The following ZNF407 variants were observed in gnomAD, a reference collection of about 807,000 sequenced individuals.
The protein encoded by ZNF407 is zinc finger protein 407.
Under a neutral mutation model 131.2 loss-of-function variants are expected in ZNF407, and 17 were observed. The observed-to-expected ratio is 0.13, with a 90% CI of 0.09 to 0.19. ZNF407 has a LOEUF of 0.19. Among genes scored for constraint, ZNF407 ranks in the 10% least tolerant of loss-of-function variants. ZNF407 has a pLI of 1.00. For missense variants in ZNF407, 2,681 were observed against 2,830.6 expected (o/e 0.95, Z 1.20); for synonymous variants, 1,156 against 1,062.0 (o/e 1.09, Z -1.72).
intron 8 of ZNF407, among the ~76,000 whole-genome samples, chr18:74,971,331 T>A (rs1371081044): frequency 6.6e-6 from 1 of 152,184 alleles, no homozygotes; most frequent in African/African-American, 2.4e-5. Context: ...AGAAAGTGGG[T>A]TTTTCTTTTC....
At chr18:74,683,413 A>T (rs1054757459) in intron 3 of ZNF407, among the ~76,000 whole-genome samples, 2 of 152,202 alleles carry the variant, frequency 1.3e-5, no homozygotes, top group Non-Finnish European at 2.9e-5. Flanking sequence ...TAAAACTAAC[A>T]TTTGCTGTGG....
At chr18:74,728,004 C>T (rs1968200385) in intron 3 of ZNF407, among the ~76,000 whole-genome samples, 1 of 152,110 alleles carries the variant, frequency 6.6e-6, no homozygotes, top group East Asian at 1.9e-4. Context: ...AGCGCCCTCT[C>T]CTACCGCAGC....
intron 5 of ZNF407, among the ~76,000 whole-genome samples, chr18:74,880,373 G>T (rs1971220943): frequency 1.3e-5 from 2 of 152,212 alleles, no homozygotes; most frequent in African/African-American, 4.8e-5. Context: ...CATTAAAGAT[G>T]AATAGTATGA....
chr18:74,835,718 C>T (rs1042429851), intron 4 of ZNF407, among the ~76,000 whole-genome samples: 1 of 150,586 alleles, frequency 6.6e-6, no homozygotes, highest in Non-Finnish European at 1.5e-5. Context: ...TATTTTCAGG[C>T]AAGAAGAGAA....
intron 3 of ZNF407, among the ~76,000 whole-genome samples, chr18:74,673,512 T>A (rs1402577609): frequency 6.6e-6 from 1 of 152,198 alleles, no homozygotes; most frequent in Non-Finnish European, 1.5e-5. Context: ...AAGAGCAAGA[T>A]CCTTAATTTA....
intron 5 of ZNF407, among the ~76,000 whole-genome samples, chr18:74,877,781 G>A (rs1338891974): frequency 2.0e-5 from 3 of 152,128 alleles, no homozygotes; most frequent in Non-Finnish European, 4.4e-5. Context: ...GAACATTAAT[G>A]AATCTTGGTT....
intron 4 of ZNF407, among the ~76,000 whole-genome samples, chr18:74,810,407 T>C (rs1970177592): frequency 6.6e-6 from 1 of 151,948 alleles, no homozygotes; most frequent in Admixed American, 6.6e-5. Context: ...TGAATGATCA[T>C]GTAGGATTCT....
At chr18:75,022,714 A>T (rs1053031728) in intron 8 of ZNF407, among the ~76,000 whole-genome samples, 4 of 152,168 alleles carry the variant, frequency 2.6e-5, no homozygotes, top group African/African-American at 9.7e-5. Flanking sequence ...GTAGAGAGGA[A>T]CACTTACACT....
At chr18:74,927,167 A>G (rs913885840) in intron 8 of ZNF407, among the ~76,000 whole-genome samples, 3 of 151,908 alleles carry the variant, frequency 2.0e-5, no homozygotes, top group African/African-American at 7.3e-5. Context: ...TTGTTGATAC[A>G]TGTTATTCTC....
intron 3 of ZNF407, among the ~76,000 whole-genome samples, chr18:74,685,681 G>T (rs1283844463): frequency 1.3e-5 from 2 of 152,130 alleles, no homozygotes; most frequent in African/African-American, 4.8e-5. Flanking sequence ...AATATGTGGC[G>T]CATGCTCTCT....
At chr18:74,830,698 T>C (rs1970470374) in intron 4 of ZNF407, among the ~76,000 whole-genome samples, 1 of 152,232 alleles carries the variant, frequency 6.6e-6, no homozygotes, top group Non-Finnish European at 1.5e-5. Context: ...ATGTATATTA[T>C]GTATGGTGAT....
intron 4 of ZNF407, among the ~76,000 whole-genome samples, chr18:74,806,407 A>G (rs1410292031): frequency 2.6e-5 from 4 of 152,192 alleles, no homozygotes; most frequent in African/African-American, 4.8e-5. Flanking sequence ...GCCTATGCCA[A>G]TGGGGGGTTG....
intron 8 of ZNF407, among the ~76,000 whole-genome samples, chr18:74,997,135 C>T (rs1275949748): frequency 6.6e-6 from 1 of 152,208 alleles, no homozygotes; most frequent in African/African-American, 2.4e-5. Context: ...TCACCTGAAT[C>T]CAGCTGTTCC....
intron 3 of ZNF407, among the ~76,000 whole-genome samples, chr18:74,706,854 G>A (rs546952715): frequency 6.6e-6 from 1 of 151,756 alleles, no homozygotes. Context: ...GTGCTCATCA[G>A]CTCTTCCCAT....
chr18:75,005,965 T>C (rs1972905646), intron 8 of ZNF407, among the ~76,000 whole-genome samples: 1 of 152,146 alleles, frequency 6.6e-6, no homozygotes, highest in Admixed American at 6.5e-5. Context: ...AACATAGTAC[T>C]GACTTTTTAG....
chr18:74,868,093 T>C (rs1477079776), intron 4 of ZNF407, among the ~76,000 whole-genome samples: 2 of 152,240 alleles, frequency 1.3e-5, no homozygotes, highest in Admixed American at 1.3e-4. Flanking sequence ...CTTAAAATAA[T>C]GTCATCTTAA....
At chr18:74,963,018 C>T (rs1252216963) in intron 8 of ZNF407, among the ~76,000 whole-genome samples, 2 of 152,208 alleles carry the variant, frequency 1.3e-5, no homozygotes, top group Admixed American at 1.3e-4. Flanking sequence ...GTCTTCATCC[C>T]ACATCAGCCC....
At position 74,634,846 on chromosome 18, in the gene ZNF407, A is replaced by G. The variant is rs755661416; in HGVS notation, c.3827A>G (p.Asn1276Ser). Reference sequence around the variant, plus strand: ...ACAAGAATAACCAGAGAACAGGGAAATCTGGAGAGCGGGGGTCAGAACAGA... The same window carrying G: ...ACAAGAATAACCAGAGAACAGGGAAGTCTGGAGAGCGGGGGTCAGAACAGA... ...VVTRITREQG[N>S]LESGGQNRVA... is the part of the protein sequence containing the mutation. Residue 1276 changes from asparagine to serine, a missense_variant, in exon 2 of 9, where the codon AAT becomes AGT. Coordinates refer to ENST00000299687, the MANE Select transcript of ZNF407 (RefSeq NM_017757.3). 1.2e-6 allele frequency: 2 copies of G among 1,613,888 alleles called. No homozygotes were observed. The highest frequency in any genetic ancestry group is 8.5e-7 in the Non-Finnish European group (1 of 1,179,814).
At chr18:74,849,378 G>A (rs1056175576) in intron 4 of ZNF407, among the ~76,000 whole-genome samples, 2 of 152,084 alleles carry the variant, frequency 1.3e-5, no homozygotes, top group Admixed American at 6.6e-5. Flanking sequence ...GCACCCCGCC[G>A]TTTCTTTGCT....
Sources: allele counts gnomAD v4.1 joint callset (sites outside exome capture counted in the v4.1 genomes callset), GRCh38; gene constraint gnomAD v4.1.1; transcripts MANE v1.5; gene names NCBI Gene and HGNC (gene_info 2026-07-23, HGNC 2026-07-21).